Variants in CADPS2 observed in about 807,000 individuals in gnomAD.
CADPS2 encodes calcium dependent secretion activator 2, also known as calcium-dependent secretion activator 2.
In CADPS2, 93 loss-of-function variants were observed where a neutral mutation model predicts 172.5. The ratio of observed to expected loss-of-function variants is 0.54; its 90% CI spans 0.46 to 0.64. The LOEUF (loss-of-function observed/expected upper bound fraction) is 0.64. Among genes scored for constraint, CADPS2 ranks in the 30% least tolerant of loss-of-function variants. CADPS2 has a pLI of 0.00. For synonymous variants in CADPS2, 546 were observed against 555.2 expected, an observed-to-expected ratio of 0.98 and a Z score of 0.23; for missense variants, 1,420 against 1,565.9, an observed-to-expected ratio of 0.91 and a Z score of 1.57.
chr7:122,722,617 C>T (rs2090574624), intron 2 of CADPS2, among the ~76,000 whole-genome samples: 1 of 129,242 alleles, frequency 7.7e-6, no homozygotes, highest in Non-Finnish European at 1.6e-5. Context: ...GCCATAATGC[C>T]CAAGGTAATT....
chr7:122,660,232 C>T (rs530245922), intron 3 of CADPS2, among the ~76,000 whole-genome samples: 8 of 151,842 alleles, frequency 5.3e-5, no homozygotes, highest in Non-Finnish European at 8.8e-5. Context: ...ACAAGGGATG[C>T]GAGGAAGGAA....
chr7:122,617,246 G>A (rs1017925752), intron 5 of CADPS2, among the ~76,000 whole-genome samples: 8 of 152,014 alleles, frequency 5.3e-5, no homozygotes, highest in African/African-American at 9.7e-5. Context: ...CTGCAGAATC[G>A]TCATTTTCAA....
intron 8 of CADPS2, among the ~76,000 whole-genome samples, chr7:122,530,812 G>A (rs1192054585): frequency 6.6e-6 from 1 of 152,112 alleles, no homozygotes; most frequent in Non-Finnish European, 1.5e-5. Flanking sequence ...TTGTCTTCAA[G>A]TAAGCTTTTT....
Position 122,368,493 on chromosome 7 carries a change from C to A in CADPS2, c.3388-7480G>T, listed in dbSNP as rs573066454. On this transcript the variant is annotated intron_variant, in intron 25 of 29. Transcript: ENST00000449022. ...GTGTGGCCTTGGGCCTCTGTTTCCT[C>A]ATCTGTGAACAGGGAGACTGGACTG... 3.9e-5 allele frequency among the ~76,000 whole-genome samples: 6 copies of A among 152,278 alleles called. No individual in the cohort carries two copies. In the South Asian group the frequency reaches 1.2e-3, roughly 32 times the overall value.
intron 1 of CADPS2, among the ~76,000 whole-genome samples, chr7:122,753,055 A>G (rs1237483008): frequency 6.6e-6 from 1 of 152,180 alleles, no homozygotes; most frequent in Non-Finnish European, 1.5e-5. Context: ...CTGGCAGTAG[A>G]TCAAAGTTAT....
In CADPS2 at chr7:122,737,044, G is replaced by A. The variant is rs767466156; in HGVS notation, c.364C>T (p.Leu122=). Residue 122 remains leucine, a synonymous_variant, in exon 2 of 30, where the codon CTG becomes TTG. Coordinates refer to ENST00000449022, the MANE Select transcript of CADPS2 (RefSeq NM_017954.11). The part of the protein sequence containing the change: ...QKLNKQQLQL[L]KERFQAFLNG... ...AGGAAGGCCTGGAACCGTTCTTTCA[G>A]TAACTGCAACTGTTGTTTGTTAAGC... The A allele has an allele frequency of 6.2e-7, 1 of 1,605,386 alleles. No homozygotes were observed. Among genetic ancestry groups the A allele is most frequent in the South Asian group, 1.1e-5 (1 of 90,810 alleles).
chr7:122,645,356 T>C (rs1222593152), intron 3 of CADPS2, among the ~76,000 whole-genome samples: 1 of 110,570 alleles, frequency 9.0e-6, no homozygotes, highest in East Asian at 2.2e-4. Flanking sequence ...TGTGTGTGTA[T>C]ACATGTACAT....
At chr7:122,466,683 T>G (rs947263757) in intron 14 of CADPS2, among the ~76,000 whole-genome samples, 7 of 152,224 alleles carry the variant, frequency 4.6e-5, no homozygotes, top group African/African-American at 1.7e-4. Flanking sequence ...AAGCAATATT[T>G]CATCGTTTAA....
intron 14 of CADPS2, among the ~76,000 whole-genome samples, chr7:122,455,660 T>A (rs548180826): frequency 1.5e-3 from 230 of 152,226 alleles, no homozygotes; most frequent in Non-Finnish European, 1.3e-3. Flanking sequence ...CAAATTATTA[T>A]TACTGCTTAT....
intron 2 of CADPS2, among the ~76,000 whole-genome samples, chr7:122,731,829 C>T (rs370735514): frequency 1.3e-5 from 2 of 151,602 alleles, no homozygotes; most frequent in Admixed American, 6.6e-5. Flanking sequence ...TATTCTGGTC[C>T]GTCCCTCTAC....
intron 8 of CADPS2, among the ~76,000 whole-genome samples, chr7:122,550,869 G>T (rs922468144): frequency 2.6e-5 from 4 of 152,058 alleles, no homozygotes; most frequent in Non-Finnish European, 5.9e-5. Context: ...TTATCTAAGG[G>T]TTAGTTTCTA....
At chr7:122,642,619 T>C (rs1261762734) in intron 3 of CADPS2, among the ~76,000 whole-genome samples, 3 of 151,378 alleles carry the variant, frequency 2.0e-5, no homozygotes, top group Non-Finnish European at 2.9e-5. Flanking sequence ...CATCAAAAAC[T>C]TGAATTCATT....
chr7:122,363,454 T>G (rs2040444899), intron 25 of CADPS2, among the ~76,000 whole-genome samples: 1 of 152,086 alleles, frequency 6.6e-6, no homozygotes. Flanking sequence ...ATGAATTTGC[T>G]GAGGGACAAA....
intron 19 of CADPS2, among the ~76,000 whole-genome samples, chr7:122,410,208 G>T (rs2047133151): frequency 6.6e-6 from 1 of 152,040 alleles, no homozygotes; most frequent in Admixed American, 6.6e-5. Flanking sequence ...GCTGGCGGTG[G>T]TGGTGTGCAC....
intron 7 of CADPS2, among the ~76,000 whole-genome samples, chr7:122,578,428 C>G (rs183460849): frequency 6.6e-6 from 1 of 152,194 alleles, no homozygotes; most frequent in Non-Finnish European, 1.5e-5. Context: ...GAGGTTATAA[C>G]AGAAGATGAA....
chr7:122,631,170 A>G (rs1381015670), intron 3 of CADPS2, among the ~76,000 whole-genome samples: 2 of 152,178 alleles, frequency 1.3e-5, no homozygotes, highest in Non-Finnish European at 2.9e-5. Context: ...AATATGAAAT[A>G]TATTATGATC....
chr7:122,485,881 A>G (rs1444551052), intron 11 of CADPS2, among the ~76,000 whole-genome samples: 1 of 152,168 alleles, frequency 6.6e-6, no homozygotes, highest in Non-Finnish European at 1.5e-5. Context: ...AACCATTTTG[A>G]AAATCCCAGA....
chr7:122,761,108 A>G (rs2093365562), intron 1 of CADPS2, among the ~76,000 whole-genome samples: 1 of 152,132 alleles, frequency 6.6e-6, no homozygotes, highest in Non-Finnish European at 1.5e-5. Flanking sequence ...AACAAATTCT[A>G]CACTGCTGGG....
intron 9 of CADPS2, among the ~76,000 whole-genome samples, chr7:122,508,148 G>A (rs756579131): frequency 7.2e-4 from 110 of 151,944 alleles, no homozygotes; most frequent in Non-Finnish European, 1.2e-3. Flanking sequence ...CACTCAGAGC[G>A]TTTTGAAATG....
Sources: gnomAD v4.1 joint callset for allele counts (sites outside exome capture counted in the v4.1 genomes callset) on GRCh38, gnomAD v4.1.1 for gene constraint, MANE v1.5 for transcripts, NCBI Gene and HGNC (gene_info 2026-07-23, HGNC 2026-07-21) for gene names.